RNF125: variants seen among roughly 807,000 people sequenced by gnomAD.
The protein encoded by RNF125 is ring finger protein 125, also known as E3 ubiquitin-protein ligase RNF125.
A neutral mutation model predicts 26.0 loss-of-function variants in RNF125; 21 were observed. That is an observed-to-expected ratio of 0.81 (90% CI 0.57 to 1.16). RNF125 has a LOEUF of 1.16. RNF125 is among the 50% of genes most tolerant of loss of function. The probability of loss-of-function intolerance (pLI) is 0.00; values close to 1 mark genes in which losing one functional copy is unlikely to be tolerated. For missense variants in RNF125, 270 were observed against 299.4 expected, an observed-to-expected ratio of 0.90 and a Z score of 0.72; for synonymous variants, 95 against 109.2, an observed-to-expected ratio of 0.87 and a Z score of 0.81.
chr18:32,051,615 TA>T (rs71177836), intron 4 of RNF125, among the ~76,000 whole-genome samples: 24,609 of 78,962 alleles, frequency 0.31, 3,222 homozygotes, highest in Non-Finnish European at 0.38. Flanking sequence ...GACTCAGTCT[TA>T]AAAAAAAAAA....
chr18:32,051,903 TG>T (rs2039332595), intron 4 of RNF125, among the ~76,000 whole-genome samples: 1 of 151,426 alleles, frequency 6.6e-6, no homozygotes, highest in Non-Finnish European at 1.5e-5. Flanking sequence ...TTGGCCAGGA[TG>T]GTCTCGATCT....
chr18:32,036,366 T>A (rs1156786824), intron 1 of RNF125, among the ~76,000 whole-genome samples: 51 of 151,722 alleles, frequency 3.4e-4, no homozygotes, highest in Admixed American at 3.4e-3. Flanking sequence ...AGATATTATG[T>A]GCTGAGTAGT....
chr18:32,026,879 A>G (rs569035687), intron 1 of RNF125, among the ~76,000 whole-genome samples: 1 of 152,362 alleles, frequency 6.6e-6, no homozygotes, highest in African/African-American at 2.4e-5. Flanking sequence ...CAACCCTTTC[A>G]AAATCCAGAT....
At chr18:32,080,843 T>G in the RNF125 span, among the ~76,000 whole-genome samples, 1 of 152,180 alleles carries the variant, frequency 6.6e-6, no homozygotes, top group Non-Finnish European at 1.5e-5. Flanking sequence ...GCCACTGCAC[T>G]CTAGCCTGGG....
intron 2 of RNF125, among the ~76,000 whole-genome samples, chr18:32,039,256 G>A (rs1017923145): frequency 2.6e-5 from 4 of 151,838 alleles, no homozygotes; most frequent in African/African-American, 9.7e-5. Flanking sequence ...ATTAGCTGGG[G>A]CATAGTGGTA....
chr18:32,019,705 G>A (rs1260411644), intron 1 of RNF125, among the ~76,000 whole-genome samples: 1 of 152,036 alleles, frequency 6.6e-6, no homozygotes. Context: ...GCTAGGGTGG[G>A]GCTTGGACGT....
At chr18:32,033,384 C>G (rs1001789957) in intron 1 of RNF125, among the ~76,000 whole-genome samples, 2 of 151,996 alleles carry the variant, frequency 1.3e-5, no homozygotes, top group South Asian at 4.2e-4. Context: ...AAACATTTGC[C>G]GAACATGGTG....
chr18:32,056,436 A>C (rs1568205565), intron 4 of RNF125, among the ~76,000 whole-genome samples: 1 of 151,698 alleles, frequency 6.6e-6, no homozygotes, highest in Non-Finnish European at 1.5e-5. Flanking sequence ...ATATAGAGAA[A>C]CCACCCCCCA....
chr18:32,076,699 TC>T (rs2144530114), downstream of RNF125, among the ~76,000 whole-genome samples: 1 of 152,186 alleles, frequency 6.6e-6, no homozygotes, highest in Non-Finnish European at 1.5e-5. Flanking sequence ...CTCTCCAACT[TC>T]ATCTCACTCC....
intron 4 of RNF125, among the ~76,000 whole-genome samples, chr18:32,060,411 A>C (rs886338589): frequency 6.6e-6 from 1 of 152,212 alleles, no homozygotes; most frequent in African/African-American, 2.4e-5. Flanking sequence ...CTAATCTTAG[A>C]AACAGTTTTC....
intron 5 of RNF125, 63 bp downstream of exon 5, chr18:32,066,072 G>A: frequency 2.9e-6 from 3 of 1,033,784 alleles, no homozygotes; most frequent in South Asian, 1.3e-5. Context: ...TTACCTTTCC[G>A]ATCCAAGTGA....
downstream of RNF125, among the ~76,000 whole-genome samples, chr18:32,075,641 C>T (rs1040820686): frequency 1.5e-5 from 2 of 132,282 alleles, no homozygotes; most frequent in African/African-American, 5.8e-5. Flanking sequence ...TGCAGTGAGC[C>T]GAAATTGTGC....
In RNF125 at chr18:32,050,865, C is replaced by CTTTTTTTTTTTTTT. The variant is rs531751585; in HGVS notation, c.504+5154_504+5167dup. On this transcript the variant is annotated intron_variant, in intron 4 of 5. Coordinates refer to ENST00000217740, the MANE Select transcript of RNF125 (RefSeq NM_017831.4). ...CCAGCTAGTCTCTCGGTCTAGAGTG[C>CTTTTTTTTTTTTTT]TTTTTTTTTTTTTTTTTTTTTTTTT... Among the ~76,000 whole-genome samples the CTTTTTTTTTTTTTT allele has an allele frequency of 3.7e-4, 17 of 46,342 alleles. 2 individuals carry two copies. Among genetic ancestry groups the CTTTTTTTTTTTTTT allele is most frequent in the Non-Finnish European group, 5.5e-4 (14 of 25,614 alleles). 30.4% of individuals were successfully genotyped at this position (46,342 alleles called of 152,430 possible). A position where few individuals can be genotyped will look rare whatever the true frequency, so the allele number is the denominator to read the frequency against.
chr18:32,073,053 AAG>A lies in RNF125; in HGVS notation c.*4673_*4674del, dbSNP rs1259699272. On this transcript the variant is annotated 3_prime_UTR_variant, in exon 6 of 6. Transcript: ENST00000217740. ...ATTGAAGGTATTTTAAAAAGTCACT[AAG>A]AGATTCATTCTTTTATTATTCAACT... 7.0e-6 allele frequency: 1 copy of A among 143,608 alleles called. No homozygotes were observed. Among genetic ancestry groups the A allele is most frequent in the Non-Finnish European group, 1.5e-5 (1 of 65,820 alleles). The allele number at this position is 143,608 out of a possible 1,614,324, so 8.9% of individuals were successfully genotyped here. A position where few individuals can be genotyped will look rare whatever the true frequency, so the allele number is the denominator to read the frequency against.
intron 5 of RNF125, 99 bp from the exon 6 acceptor site, chr18:32,068,199 T>C (rs2039501528): frequency 3.1e-6 from 2 of 651,992 alleles, no homozygotes; most frequent in Admixed American, 5.2e-5. Flanking sequence ...CTCGTAACTT[T>C]AGTTCCCTAC....
Position 32,028,251 on chromosome 18 carries a change from T to C in RNF125, c.165-8865T>C, listed in dbSNP as rs1194295999. ...AGGCAGAGCTTGCAGTGAGCCGAGATTGCACCACGGCACTCCAGCCTGGGC... is the reference window on the plus strand; with the variant it reads ...AGGCAGAGCTTGCAGTGAGCCGAGACTGCACCACGGCACTCCAGCCTGGGC... On this transcript the variant is annotated intron_variant, in intron 1 of 5. Transcript: ENST00000217740. 2.1e-5 allele frequency among the ~76,000 whole-genome samples: 3 copies of C among 139,682 alleles called. No homozygotes were observed. The Admixed American group carries it at 2.3e-4, about 11-fold the overall frequency. The allele number at this position is 139,682 out of a possible 152,430, so 91.6% of individuals were successfully genotyped here. A position where few individuals can be genotyped will look rare whatever the true frequency, so the allele number is the denominator to read the frequency against.
At chr18:32,035,037 T>C (rs928489073) in intron 1 of RNF125, among the ~76,000 whole-genome samples, 1 of 152,154 alleles carries the variant, frequency 6.6e-6, no homozygotes, top group Non-Finnish European at 1.5e-5. Flanking sequence ...ATTATGTCAC[T>C]GTGTGCAGTG....
At chr18:32,065,027 TTGA>T (rs1183743337) in intron 4 of RNF125, among the ~76,000 whole-genome samples, 7 of 152,214 alleles carry the variant, frequency 4.6e-5, no homozygotes, top group African/African-American at 1.4e-4. Context: ...AAATAATAAA[TTGA>T]TGAATATGAA....
downstream of RNF125, chr18:32,075,901 G>A: frequency 7.6e-7 from 1 of 1,324,300 alleles, no homozygotes; most frequent in East Asian, 2.3e-5. Context: ...AAGAATCCTA[G>A]GATTTTCCCT....
Sources: allele counts gnomAD v4.1 joint callset (sites outside exome capture counted in the v4.1 genomes callset), GRCh38; gene constraint gnomAD v4.1.1; transcripts MANE v1.5; gene names NCBI Gene and HGNC (gene_info 2026-07-23, HGNC 2026-07-21).